Variants in CFAP47 observed in about 807,000 individuals in gnomAD.
CFAP47 encodes cilia- and flagella-associated protein 47.
CFAP47 carries 29 observed loss-of-function variants against 148.1 expected under a neutral mutation model. The observed-to-expected ratio is 0.20, with a 90% confidence interval of 0.15 to 0.27. CFAP47 has a LOEUF of 0.27. Among genes scored for constraint, CFAP47 ranks in the 10% least tolerant of loss-of-function variants. CFAP47 has a pLI of 1.00. For missense variants in CFAP47, 1,872 were observed against 1,697.5 expected (o/e 1.10, Z -1.81); for synonymous variants, 664 against 577.3 (o/e 1.15, Z -2.15).
intron 49 of CFAP47, among the ~76,000 whole-genome samples, chrX:36,279,234 C>T (rs782040659): frequency 2.3e-4 from 25 of 111,070 alleles, no homozygotes; most frequent in African/African-American, 7.5e-4. Context: ...TTTCCATATG[C>T]GTTTCATTTC....
intron 49 of CFAP47, among the ~76,000 whole-genome samples, chrX:36,274,529 T>C (rs1222767468): frequency 8.9e-6 from 1 of 112,047 alleles, no homozygotes; most frequent in Admixed American, 9.5e-5. Flanking sequence ...CTATACTTGA[T>C]AGTATTTGAA....
In CFAP47 at chrX:36,154,262, T is replaced by C. The variant is rs138550543; in HGVS notation, c.5786+5039T>C. Among the ~76,000 whole-genome samples the C allele has an allele frequency of 7.7e-3, 866 of 112,362 alleles. 6 individuals are homozygous for C. The highest frequency in any genetic ancestry group is 0.023 in the Middle Eastern group (5 of 218). The stretch of plus-strand genomic sequence containing the variant: ...GAAGCCAATCCACACCTTTAACACT[T>C]TCTTGGAAAATTCTTTAGTCAGACA... On this transcript the variant is annotated intron_variant, in intron 37 of 63. Transcript: ENST00000378653.
chrX:36,085,176 T>C, intron 29 of CFAP47, 138 bp from the exon 30 acceptor site: 1 of 401,180 alleles, frequency 2.5e-6, no homozygotes, highest in Non-Finnish European at 4.4e-6. Flanking sequence ...AATGGTAGCC[T>C]AGTGAAGTGT....
chrX:36,316,779 C>T (rs1042661192), intron 56 of CFAP47, among the ~76,000 whole-genome samples: 1 of 111,861 alleles, frequency 8.9e-6, no homozygotes, highest in Non-Finnish European at 1.9e-5. Flanking sequence ...CAACCTGTAA[C>T]AGGAACAGGG....
intron 49 of CFAP47, among the ~76,000 whole-genome samples, chrX:36,262,158 T>C (rs1465472746): frequency 1.8e-5 from 2 of 112,533 alleles, no homozygotes; most frequent in Non-Finnish European, 3.8e-5. Context: ...GCATGCAATA[T>C]GAAATAAATC....
chrX:36,066,433 A>G (rs936762607), intron 27 of CFAP47, among the ~76,000 whole-genome samples: 9 of 111,622 alleles, frequency 8.1e-5, no homozygotes, highest in African/African-American at 2.9e-4. Context: ...CCTTAATTTC[A>G]GGGGATGACT....
chrX:36,113,142 G>T (rs1308408726), intron 33 of CFAP47, among the ~76,000 whole-genome samples: 1 of 111,836 alleles, frequency 8.9e-6, no homozygotes, highest in Non-Finnish European at 1.9e-5. Context: ...CATGATGTTA[G>T]CTGGTTATTA....
At chrX:36,167,417 C>A (rs1031225155) in intron 39 of CFAP47, among the ~76,000 whole-genome samples, 3 of 111,213 alleles carry the variant, frequency 2.7e-5, no homozygotes, top group Non-Finnish European at 5.7e-5. Context: ...GGCAAGGGGG[C>A]AAAATAGCCT....
intron 53 of CFAP47, among the ~76,000 whole-genome samples, chrX:36,303,353 T>G (rs1941316969): frequency 9.0e-6 from 1 of 110,969 alleles, no homozygotes; most frequent in Admixed American, 9.6e-5. Context: ...CCTGGCTATT[T>G]TTTAAATTTT....
chrX:36,249,872 A>G (rs1247046486), intron 48 of CFAP47, among the ~76,000 whole-genome samples: 2 of 111,409 alleles, frequency 1.8e-5, no homozygotes, highest in African/African-American at 6.5e-5. Context: ...CTTTCCCTAC[A>G]CTACTGGAGT....
chrX:36,081,816 A>G (rs1473194117), intron 29 of CFAP47, among the ~76,000 whole-genome samples: 1 of 111,536 alleles, frequency 9.0e-6, no homozygotes, highest in East Asian at 2.8e-4. Flanking sequence ...AAATCTCAAC[A>G]GAGTCACCAG....
chrX:36,189,412 C>T (rs959505859), intron 41 of CFAP47, among the ~76,000 whole-genome samples: 3 of 110,513 alleles, frequency 2.7e-5, no homozygotes, highest in Admixed American at 9.8e-5. Flanking sequence ...TATGGGATCT[C>T]GTTAAGTTCT....
In CFAP47 at chrX:35,967,932, C is replaced by CAATAAT. The variant is rs112359946; in HGVS notation, c.1814+124_1814+129dup. ...TCCTGCTGTATAACACTAATGATTA[C>CAATAAT]AATAATAATAATAATAATAATAATA... On this transcript the variant is annotated intron_variant, in intron 10 of 63. Transcript: ENST00000378653. The CAATAAT allele has an allele frequency of 1.5e-3, 441 of 285,074 alleles. 2 individuals carry two copies. The highest frequency in any genetic ancestry group is 0.011 in the African/African-American group (350 of 32,803). 23.5% of individuals were successfully genotyped at this position (285,074 alleles called of 1,213,427 possible). A position where few individuals can be genotyped will look rare whatever the true frequency, so the allele number is the denominator to read the frequency against.
At chrX:36,227,508 G>T (rs1940284286) in intron 45 of CFAP47, among the ~76,000 whole-genome samples, 2 of 108,628 alleles carry the variant, frequency 1.8e-5, no homozygotes, top group Admixed American at 9.7e-5. Context: ...AAGGATTTAG[G>T]GTAGTTAATG....
chrX:35,984,159 G>A (rs1010420920), intron 15 of CFAP47, among the ~76,000 whole-genome samples: 1 of 111,572 alleles, frequency 9.0e-6, no homozygotes, highest in Non-Finnish European at 1.9e-5. Flanking sequence ...GGTCTGTTCA[G>A]GGTTTCACTT....
intron 29 of CFAP47, among the ~76,000 whole-genome samples, chrX:36,082,830 A>C (rs1601967095): frequency 1.8e-5 from 2 of 111,613 alleles, no homozygotes; most frequent in Non-Finnish European, 1.9e-5. Context: ...TGAAATGAGG[A>C]AAATATTTCC....
At chrX:36,205,149 G>T in intron 45 of CFAP47, 39 bp downstream of exon 45, 2 of 294,366 alleles carry the variant, frequency 6.8e-6, no homozygotes, top group South Asian at 2.1e-4. Context: ...TAAGTGTTCC[G>T]GGAATGATGA....
At chrX:36,150,731 A>G (rs1939298256) in intron 37 of CFAP47, among the ~76,000 whole-genome samples, 1 of 111,339 alleles carries the variant, frequency 9.0e-6, no homozygotes, top group Non-Finnish European at 1.9e-5. Context: ...TTATTACTCC[A>G]TGCTAAAGGG....
At chrX:36,115,982 A>G (rs1371627051) in intron 33 of CFAP47, among the ~76,000 whole-genome samples, 2 of 112,081 alleles carry the variant, frequency 1.8e-5, no homozygotes, top group East Asian at 5.6e-4. Flanking sequence ...CTCTCCTATC[A>G]AGTTATTTGT....
Sources: allele counts gnomAD v4.1 joint callset (sites outside exome capture counted in the v4.1 genomes callset), GRCh38; gene constraint gnomAD v4.1.1; transcripts MANE v1.5; gene names NCBI Gene and HGNC (gene_info 2026-07-23, HGNC 2026-07-21).